Variants in THSD7B observed in about 807,000 individuals in gnomAD.
THSD7B encodes thrombospondin type-1 domain-containing protein 7B.
THSD7B carries 138 observed loss-of-function variants against 213.6 expected under a neutral mutation model. That is an observed-to-expected ratio of 0.65 (90% CI 0.56 to 0.74). The LOEUF (loss-of-function observed/expected upper bound fraction) is 0.74, where lower values mean the gene tolerates loss of function less well. THSD7B is among the 30% of genes least tolerant of loss of function. The pLI is 0.00. For missense variants in THSD7B, 1,931 were observed against 1,991.5 expected (o/e 0.97, Z 0.58); for synonymous variants, 742 against 687.0 (o/e 1.08, Z -1.25).
Position 137,170,755 on chromosome 2 carries a change from C to A in THSD7B, c.1540C>A (p.Gln514Lys). The A allele has an allele frequency of 3.1e-6, 5 of 1,613,172 alleles. No homozygotes were observed. Among genetic ancestry groups the A allele is most frequent in the Non-Finnish European group, 4.2e-6 (5 of 1,179,478 alleles). The change falls in exon 7 of 28, where the codon CAG becomes AAG. Residue 514 changes from glutamine (Q) to lysine (K), a missense_variant. By Grantham distance (53) the Gln-to-Lys change is moderately conservative. Transcript: ENST00000409968. ...TCTCTTTTTAGGATTTAGAACGAGG[C>A]AGCGCCATGTCCTCATGGAATCTAC... ...PQGKKGFRTRQRHVLMESTGP... is the reference protein window; with the variant it reads ...PQGKKGFRTRKRHVLMESTGP...
chr2:136,810,915 G>C (rs1037033755), intron 1 of THSD7B, among the ~76,000 whole-genome samples: 1 of 152,168 alleles, frequency 6.6e-6, no homozygotes, highest in African/African-American at 2.4e-5. Context: ...TGCTTGACTT[G>C]TTCCCTTGCA....
chr2:137,674,714 C>T (rs1683656389), intron 27 of THSD7B, among the ~76,000 whole-genome samples: 1 of 152,168 alleles, frequency 6.6e-6, no homozygotes, highest in Admixed American at 6.5e-5. Context: ...TATTCTGAAT[C>T]TTGTTTTTGC....
intron 7 of THSD7B, among the ~76,000 whole-genome samples, chr2:137,216,100 T>C (rs1237043310): frequency 6.6e-6 from 1 of 152,180 alleles, no homozygotes; most frequent in Non-Finnish European, 1.5e-5. Flanking sequence ...ATATATTTTA[T>C]GAATTTCATG....
intron 4 of THSD7B, among the ~76,000 whole-genome samples, chr2:137,111,711 G>A (rs1245132546): frequency 6.6e-6 from 1 of 152,088 alleles, no homozygotes; most frequent in Non-Finnish European, 1.5e-5. Context: ...ACAAATTAAT[G>A]CCTTGTTTAT....
intron 7 of THSD7B, among the ~76,000 whole-genome samples, chr2:137,222,718 T>C (rs1451650917): frequency 2.0e-5 from 3 of 152,196 alleles, no homozygotes; most frequent in Non-Finnish European, 4.4e-5. Context: ...ACAATAATTC[T>C]GAAAGTCGGT....
intron 17 of THSD7B, among the ~76,000 whole-genome samples, chr2:137,587,788 C>T (rs189219736): frequency 1.3e-5 from 2 of 152,316 alleles, no homozygotes; most frequent in South Asian, 2.1e-4. Context: ...GGATCATGGA[C>T]CCACTTTAGG....
At chr2:137,170,599 C>A in intron 6 of THSD7B, 142 bp from the exon 7 acceptor site, 1 of 712,148 alleles carries the variant, frequency 1.4e-6, no homozygotes, top group Non-Finnish European at 2.2e-6. Context: ...TCTCACTTCA[C>A]ATAGAATAAA....
At position 137,411,653 on chromosome 2, in the gene THSD7B, C is replaced by T. The variant is rs761495650; in HGVS notation, c.2740C>T (p.Pro914Ser). Reference protein sequence around the residue: ...KEKCQDSDLYPLVETELCPCD... With the variant: ...KEKCQDSDLYSLVETELCPCD... ...GAAATGCCAGGATTCTGACCTTTAC[C>T]CTCTAGTGGAGACAGAACTATGTCC... is the stretch of plus-strand genomic sequence containing the variant. Residue 914 changes from proline to serine, a missense_variant, in exon 14 of 28, where the codon CCT (proline) becomes TCT (serine). Physicochemically the swap from Pro to Ser is moderately conservative, Grantham distance 74 (BLOSUM62 -1). Transcript: ENST00000409968. The T allele has an allele frequency of 5.6e-6, 9 of 1,613,652 alleles. No homozygotes were observed. The highest frequency in any genetic ancestry group is 1.6e-4 in the Middle Eastern group (1 of 6,084).
chr2:137,025,049 T>C (rs1686521179), intron 2 of THSD7B, among the ~76,000 whole-genome samples: 1 of 152,150 alleles, frequency 6.6e-6, no homozygotes, highest in African/African-American at 2.4e-5. Context: ...GCCACAAGGA[T>C]GAAGTAGCCC....
Position 136,846,461 on chromosome 2 carries a change from A to G in THSD7B, c.-35-35683A>G, listed in dbSNP as rs759993048. Among the ~76,000 whole-genome samples the G allele has an allele frequency of 1.0e-3, 158 of 152,296 alleles. 2 individuals carry two copies. The highest frequency in any genetic ancestry group is 1.5e-3 in the Non-Finnish European group (99 of 68,020). On this transcript the variant is annotated intron_variant, in intron 1 of 27. Transcript: ENST00000409968. ...AGTAATTTGATAATAAAATTTATAT[A>G]TTATGAGAAGCAGGAGCAACACCCC... is the stretch of plus-strand genomic sequence containing the variant.
chr2:137,292,540 T>G (rs1385176144), intron 12 of THSD7B, among the ~76,000 whole-genome samples: 2 of 152,142 alleles, frequency 1.3e-5, no homozygotes, highest in Non-Finnish European at 2.9e-5. Context: ...TTATTATGCT[T>G]TAGAACCTGT....
chr2:137,272,859 CAG>C (rs1233774587), intron 11 of THSD7B, among the ~76,000 whole-genome samples, 197 bp downstream of exon 11: 3 of 151,868 alleles, frequency 2.0e-5, no homozygotes, highest in Non-Finnish European at 4.4e-5. Flanking sequence ...GTCTAATTAA[CAG>C]GGGGAAAAGG....
chr2:136,903,939 T>A (rs945668787), intron 2 of THSD7B, among the ~76,000 whole-genome samples: 22 of 31,342 alleles, frequency 7.0e-4, no homozygotes, highest in African/African-American at 2.2e-3. Flanking sequence ...TGTGTGTGTG[T>A]GTGTGTGTGT....
At chr2:137,037,274 T>C (rs1367011282) in intron 2 of THSD7B, among the ~76,000 whole-genome samples, 1 of 152,164 alleles carries the variant, frequency 6.6e-6, no homozygotes, top group Non-Finnish European at 1.5e-5. Context: ...CTGCAAATAG[T>C]ACTATTCCAA....
At chr2:136,886,468 G>A (rs920982024) in intron 2 of THSD7B, among the ~76,000 whole-genome samples, 1 of 152,084 alleles carries the variant, frequency 6.6e-6, no homozygotes, top group Non-Finnish European at 1.5e-5. Flanking sequence ...TATATTTAAG[G>A]CCACAGTTAT....
At chr2:137,057,330 C>A (rs1298706008) in intron 3 of THSD7B, 100 bp downstream of exon 3, 25 of 1,208,804 alleles carry the variant, frequency 2.1e-5, no homozygotes, top group Non-Finnish European at 2.3e-6. Flanking sequence ...AAAATGGCAA[C>A]GAGGTTTATA....
intron 1 of THSD7B, among the ~76,000 whole-genome samples, chr2:136,850,378 A>G (rs980739231): frequency 1.3e-5 from 2 of 151,948 alleles, no homozygotes; most frequent in African/African-American, 4.8e-5. Flanking sequence ...CATTGGAAAG[A>G]CCTCTCTAAT....
At chr2:137,225,615 A>T (rs1681479120) in intron 7 of THSD7B, among the ~76,000 whole-genome samples, 1 of 152,150 alleles carries the variant, frequency 6.6e-6, no homozygotes, top group East Asian at 1.9e-4. Flanking sequence ...ATAGTGCCAA[A>T]CTAATGATAT....
At chr2:136,883,861 T>C (rs1158130923) in intron 2 of THSD7B, among the ~76,000 whole-genome samples, 1 of 152,202 alleles carries the variant, frequency 6.6e-6, no homozygotes, top group East Asian at 1.9e-4. Context: ...TATAAGTCAC[T>C]ACTGTCACTT....
Sources: allele counts gnomAD v4.1 joint callset (sites outside exome capture counted in the v4.1 genomes callset), GRCh38; gene constraint gnomAD v4.1.1; transcripts MANE v1.5; gene names NCBI Gene and HGNC (gene_info 2026-07-23, HGNC 2026-07-21).